The following PITPNM2 variants were observed in gnomAD, a reference collection of about 807,000 sequenced individuals.
The protein encoded by PITPNM2 is membrane-associated phosphatidylinositol transfer protein 2.
In PITPNM2, 35 loss-of-function variants were observed where a neutral mutation model predicts 132.2. That is an observed-to-expected ratio of 0.26 (90% CI 0.20 to 0.35). The LOEUF (loss-of-function observed/expected upper bound fraction) is 0.35. Among genes scored for constraint, PITPNM2 ranks in the 10% least tolerant of loss-of-function variants. PITPNM2 has a pLI of 1.00. For synonymous variants in PITPNM2, 738 were observed against 799.2 expected (o/e 0.92, Z 1.29); for missense variants, 1,332 against 1,912.0 (o/e 0.70, Z 5.66).
intron 3 of PITPNM2, among the ~76,000 whole-genome samples, chr12:123,032,497 C>CAAAT (rs915797186): frequency 4.6e-5 from 7 of 151,968 alleles, no homozygotes; most frequent in Non-Finnish European, 1.0e-4. Context: ...AACAAACAAA[C>CAAAT]AAACAAACAA....
rs556461514 is a variant in PITPNM2 at position 123,058,897 on chromosome 12, G to A, written c.-95-24212C>T. The stretch of plus-strand genomic sequence containing the variant: ...CCGAGACTACTCTGGGCAAAGCTGA[G>A]TGCCCAGGTGCATTGAGAGCACCTC... On this transcript the variant is annotated intron_variant, in intron 2 of 25. Coordinates refer to ENST00000320201, the MANE Select transcript of PITPNM2 (RefSeq NM_020845.3). This position sits in a 1 kb window ranked among gnomAD's most constrained non-coding sequence, Gnocchi z 4.0. Among the ~76,000 whole-genome samples, 11 of 152,132 alleles carry A rather than the reference G, an allele frequency of 7.2e-5. No individual in the cohort carries two copies. The highest frequency in any genetic ancestry group is 1.3e-4 in the Non-Finnish European group (9 of 68,006).
chr12:123,017,984 T>TTTCCTTCCTTCCTTCCTTCCTTCC (rs1163587142), intron 3 of PITPNM2, among the ~76,000 whole-genome samples: 18 of 90,376 alleles, frequency 2.0e-4, no homozygotes, highest in Admixed American at 6.1e-4. Flanking sequence ...TTCTCTCACT[T>TTTCCTTCCTTCCTTCCTTCCTTCC]TTCCTTCCTT....
chr12:123,019,607 G>A (rs2039589368), intron 3 of PITPNM2, among the ~76,000 whole-genome samples: 1 of 152,186 alleles, frequency 6.6e-6, no homozygotes, highest in South Asian at 2.1e-4. Flanking sequence ...CTCCAGGAAA[G>A]CCGCAAGCCC....
chr12:123,109,496 T>C (rs2042791434), intron 2 of PITPNM2, among the ~76,000 whole-genome samples: 1 of 152,206 alleles, frequency 6.6e-6, no homozygotes, highest in Admixed American at 6.5e-5. Context: ...CACCCTCCAC[T>C]CAGCCTTGGC....
chr12:123,060,278 C>A (rs964474634), intron 2 of PITPNM2, among the ~76,000 whole-genome samples: 5 of 152,370 alleles, frequency 3.3e-5, no homozygotes, highest in African/African-American at 9.6e-5. Flanking sequence ...GAGCTCCTTG[C>A]CTTGGCACTG....
chr12:123,067,453 TCA>T (rs55716436), intron 2 of PITPNM2, among the ~76,000 whole-genome samples: 14,301 of 136,302 alleles, frequency 0.1, 748 homozygotes, highest in African/African-American at 0.16. Flanking sequence ...TGAAACTCCA[TCA>T]CACACACACA....
intron 3 of PITPNM2, among the ~76,000 whole-genome samples, chr12:123,014,922 A>G (rs913260347): frequency 2.0e-5 from 3 of 152,242 alleles, no homozygotes; most frequent in Non-Finnish European, 4.4e-5. Context: ...GAAAATTAAG[A>G]AACAATTCCA....
intron 2 of PITPNM2, among the ~76,000 whole-genome samples, chr12:123,056,788 C>T (rs1391394468): frequency 6.6e-6 from 1 of 152,090 alleles, no homozygotes; most frequent in African/African-American, 2.4e-5. Flanking sequence ...GGTCCTGTGC[C>T]CAAGATCCTA....
chr12:123,055,802 A>T (rs1007980253), intron 2 of PITPNM2, among the ~76,000 whole-genome samples: 1 of 151,962 alleles, frequency 6.6e-6, no homozygotes, highest in African/African-American at 2.4e-5. Flanking sequence ...TCCCTTCCCC[A>T]GCAGAAGCAA....
intron 1 of PITPNM2, among the ~76,000 whole-genome samples, chr12:123,124,061 C>T (rs1034644952): frequency 3.9e-4 from 59 of 152,244 alleles, no homozygotes; most frequent in African/African-American, 1.3e-3. Context: ...CGAGACCACC[C>T]TGGCTAACAC....
chr12:123,141,067 G>C (rs1056355209), intron 1 of PITPNM2, among the ~76,000 whole-genome samples: 1 of 152,044 alleles, frequency 6.6e-6, no homozygotes, highest in African/African-American at 2.4e-5. Context: ...AACAGCACAG[G>C]CTGTGTAACA....
chr12:123,118,326 A>G (rs926580741), intron 1 of PITPNM2, among the ~76,000 whole-genome samples: 2 of 152,206 alleles, frequency 1.3e-5, no homozygotes, highest in Non-Finnish European at 2.9e-5. Context: ...CTCAAGCTCT[A>G]TCCATACTGC....
At chr12:123,068,482 TAAATAAATAAATAAATAAAA>T (rs1417751167) in intron 2 of PITPNM2, among the ~76,000 whole-genome samples, 5 of 150,290 alleles carry the variant, frequency 3.3e-5, no homozygotes, top group African/African-American at 1.2e-4. Flanking sequence ...AATAAATAAA[TAAATAAATAAATAAATAAAA>T]ATAATCCTTG....
upstream of PITPNM2, among the ~76,000 whole-genome samples, chr12:123,151,533 G>C (rs1379179830): frequency 6.6e-6 from 1 of 152,182 alleles, no homozygotes; most frequent in Non-Finnish European, 1.5e-5. Context: ...GCCCAGCCCC[G>C]GGCGCGGTGC....
intron 3 of PITPNM2, among the ~76,000 whole-genome samples, chr12:123,020,338 C>T (rs899240743): frequency 2.0e-5 from 3 of 152,026 alleles, no homozygotes; most frequent in Admixed American, 1.3e-4. Context: ...CCAGGCTGGT[C>T]TCACACTCCT....
chr12:123,113,182 G>A (rs915653252), intron 1 of PITPNM2, among the ~76,000 whole-genome samples: 8 of 152,206 alleles, frequency 5.3e-5, no homozygotes, highest in Admixed American at 2.6e-4. Flanking sequence ...CCAAATGAGT[G>A]GGTAGTGCTG....
At chr12:123,062,736 A>G (rs1201459863) in intron 2 of PITPNM2, among the ~76,000 whole-genome samples, 1 of 152,190 alleles carries the variant, frequency 6.6e-6, no homozygotes, top group Non-Finnish European at 1.5e-5. Context: ...GTTCAGGAAA[A>G]ATTTTGCTGC....
At chr12:123,012,416 A>G (rs1296041510) in intron 5 of PITPNM2, among the ~76,000 whole-genome samples, 197 bp downstream of exon 5, 1 of 152,186 alleles carries the variant, frequency 6.6e-6, no homozygotes, top group Non-Finnish European at 1.5e-5. Context: ...CTTGGTGTAT[A>G]TATCAGGAGA....
At chr12:123,041,034 C>G (rs568521641) in intron 2 of PITPNM2, among the ~76,000 whole-genome samples, 10 of 152,284 alleles carry the variant, frequency 6.6e-5, no homozygotes, top group Admixed American at 2.0e-4. Flanking sequence ...TGTGTGTAAA[C>G]AGACAGAGAA....
Sources: gnomAD v4.1 joint callset for allele counts (sites outside exome capture counted in the v4.1 genomes callset) on GRCh38, gnomAD v4.1.1 for gene constraint, Gnocchi (gnomAD v3.1) non-coding constraint, MANE v1.5 for transcripts, NCBI Gene and HGNC (gene_info 2026-07-23, HGNC 2026-07-21) for gene names.